Variants in ANKFN1 observed in about 807,000 individuals in gnomAD.
The protein encoded by ANKFN1 is ankyrin repeat and fibronectin type III domain containing 1.
A neutral mutation model predicts 108.7 loss-of-function variants in ANKFN1; 74 were observed. That is an observed-to-expected ratio of 0.68 (90% CI 0.56 to 0.83). The LOEUF (loss-of-function observed/expected upper bound fraction) is 0.83. Ranked by LOEUF, ANKFN1 falls within the 40% of genes least tolerant of loss-of-function variation. ANKFN1 has a pLI of 0.00. For synonymous variants in ANKFN1, 547 were observed against 516.2 expected (o/e 1.06, Z -0.81); for missense variants, 1,505 against 1,382.3 (o/e 1.09, Z -1.41).
rs2051767392 is a variant in ANKFN1, at chr17:56,511,419, T to C, written c.*150T>C. The C allele has an allele frequency of 1.8e-5, 17 of 940,956 alleles. No individual in the cohort carries two copies. The South Asian group carries it at 2.9e-4, about 16-fold the overall frequency. 58.3% of individuals were successfully genotyped at this position (940,956 alleles called of 1,614,324 possible). A position where few individuals can be genotyped will look rare whatever the true frequency, so the allele number is the denominator to read the frequency against. The stretch of plus-strand genomic sequence containing the variant: ...GGTTACAAGTTCAAGGTCCTCTTTT[T>C]TTGGAACAGAGTGGTGGGTGGAGGC... On this transcript the variant is annotated 3_prime_UTR_variant, in exon 21 of 21. Transcript: ENST00000682825.
intron 6 of ANKFN1, among the ~76,000 whole-genome samples, chr17:56,357,291 C>A (rs141783540): frequency 6.6e-6 from 1 of 152,244 alleles, no homozygotes; most frequent in Non-Finnish European, 1.5e-5. Context: ...GGTTTTCACA[C>A]TAACCCTACA....
intron 3 of ANKFN1, among the ~76,000 whole-genome samples, chr17:56,259,057 G>A (rs1258605014): frequency 2.6e-5 from 4 of 152,190 alleles, no homozygotes; most frequent in Non-Finnish European, 4.4e-5. Flanking sequence ...ACACTGTGAC[G>A]TGGAGTATCT....
intron 8 of ANKFN1, among the ~76,000 whole-genome samples, chr17:56,397,291 A>G (rs954150692): frequency 1.3e-5 from 2 of 152,158 alleles, no homozygotes; most frequent in Non-Finnish European, 2.9e-5. Flanking sequence ...ATCTAAATAA[A>G]TAGGTTTGGA....
chr17:56,196,909 T>G lies in ANKFN1; in HGVS notation c.-70-15689T>G, dbSNP rs138078695. Reference sequence around the variant, plus strand: ...GTCATGCAAATGACCCTTTCTAACCTGGCAATTTGAAATCCTAATGTGAGC... The same window carrying G: ...GTCATGCAAATGACCCTTTCTAACCGGGCAATTTGAAATCCTAATGTGAGC... On this transcript the variant is annotated intron_variant, in intron 1 of 20. Coordinates refer to ENST00000682825, the MANE Select transcript of ANKFN1 (RefSeq NM_001370326.1). Among the ~76,000 whole-genome samples, 262 of 152,358 alleles carry G rather than the reference T, an allele frequency of 1.7e-3. 3 individuals are homozygous for G. Among genetic ancestry groups the G allele is most frequent in the African/African-American group, 6.1e-3 (252 of 41,584 alleles).
At chr17:56,457,828 T>C (rs1331522680) in intron 13 of ANKFN1, 35 bp from the exon 14 acceptor site, 2 of 1,517,358 alleles carry the variant, frequency 1.3e-6, no homozygotes, top group East Asian at 4.5e-5. Flanking sequence ...TGTACTGGCT[T>C]GGACGATGAC....
intron 4 of ANKFN1, among the ~76,000 whole-genome samples, chr17:56,054,290 A>G (rs1397463813): frequency 6.6e-6 from 1 of 152,224 alleles, no homozygotes; most frequent in Non-Finnish European, 1.5e-5. Context: ...ATTTTTATTT[A>G]ATCCTCACAA....
intron 4 of ANKFN1, among the ~76,000 whole-genome samples, chr17:56,090,035 G>A (rs9904581): frequency 0.013 from 1,902 of 151,502 alleles, 93 homozygotes; most frequent in African/African-American, 0.044. Context: ...AAGATTTGTG[G>A]ATTTGAGTTG....
intron 4 of ANKFN1, among the ~76,000 whole-genome samples, chr17:56,116,746 A>C (rs1334059722): frequency 1.3e-5 from 2 of 152,150 alleles, no homozygotes; most frequent in African/African-American, 4.8e-5. Context: ...ACCCAGTCTC[A>C]GGTATTCCTT....
At chr17:56,499,787 C>T (rs1195310813) in intron 20 of ANKFN1, among the ~76,000 whole-genome samples, 1 of 152,112 alleles carries the variant, frequency 6.6e-6, no homozygotes, top group Non-Finnish European at 1.5e-5. Flanking sequence ...TACCTCTATG[C>T]TTATAAGCAG....
chr17:56,400,044 A>G (rs532338349), intron 8 of ANKFN1, among the ~76,000 whole-genome samples: 1 of 151,870 alleles, frequency 6.6e-6, no homozygotes, highest in East Asian at 1.9e-4. Context: ...TACTATAAAC[A>G]TGCATGTGCA....
At chr17:56,505,416 T>G (rs1823357121) in intron 20 of ANKFN1, among the ~76,000 whole-genome samples, 1 of 152,194 alleles carries the variant, frequency 6.6e-6, no homozygotes, top group Non-Finnish European at 1.5e-5. Flanking sequence ...TAAGACACAG[T>G]GTAGTTGGGA....
intron 2 of ANKFN1, among the ~76,000 whole-genome samples, chr17:56,222,601 G>C (rs1419867134): frequency 6.6e-6 from 1 of 152,156 alleles, no homozygotes; most frequent in Non-Finnish European, 1.5e-5. Context: ...GGAATGATCG[G>C]AGAAAAAGAG....
At chr17:56,046,140 A>G (rs1167085872) in exon 4 of ANKFN1, 1 of 152,338 alleles carries the variant, frequency 6.6e-6, no homozygotes, top group Non-Finnish European at 1.5e-5. Flanking sequence ...GAACACGGAT[A>G]ATGACATAAA....
chr17:56,289,425 C>T (rs2044301883), intron 3 of ANKFN1, among the ~76,000 whole-genome samples: 1 of 152,138 alleles, frequency 6.6e-6, no homozygotes, highest in Admixed American at 6.5e-5. Flanking sequence ...TAAGAAAACC[C>T]AAGGGATACT....
chr17:56,072,528 T>A (rs1905132491), intron 4 of ANKFN1, among the ~76,000 whole-genome samples: 1 of 152,208 alleles, frequency 6.6e-6, no homozygotes, highest in African/African-American at 2.4e-5. Context: ...TAATGCTACC[T>A]CCCAAAGGTA....
chr17:56,087,280 C>T (rs9895290), intron 4 of ANKFN1, among the ~76,000 whole-genome samples: 3,991 of 151,318 alleles, frequency 0.026, 266 homozygotes, highest in African/African-American at 0.091. Context: ...CTGGATTGCC[C>T]CAGAAGGGCA....
At chr17:56,256,393 C>G (rs998522275) in intron 3 of ANKFN1, among the ~76,000 whole-genome samples, 1 of 152,180 alleles carries the variant, frequency 6.6e-6, no homozygotes, top group Non-Finnish European at 1.5e-5. Context: ...TTGTCTAGTT[C>G]TCTGTCCTCA....
intron 4 of ANKFN1, among the ~76,000 whole-genome samples, chr17:56,066,113 C>T (rs148967720): frequency 6.6e-5 from 10 of 152,340 alleles, no homozygotes; most frequent in Non-Finnish European, 1.2e-4. Flanking sequence ...GTGGCCTCTT[C>T]TGATCTCTTT....
intron 3 of ANKFN1, among the ~76,000 whole-genome samples, chr17:56,275,031 G>A (rs1048407082): frequency 6.6e-6 from 1 of 152,128 alleles, no homozygotes; most frequent in Non-Finnish European, 1.5e-5. Context: ...CCTGTTTAGG[G>A]CCATGCTTGC....
Sources: gnomAD v4.1 joint callset for allele counts (sites outside exome capture counted in the v4.1 genomes callset) on GRCh38, gnomAD v4.1.1 for gene constraint, MANE v1.5 for transcripts, NCBI Gene and HGNC (gene_info 2026-07-23, HGNC 2026-07-21) for gene names.